The following GREB1L variants were observed in gnomAD, a reference collection of about 807,000 sequenced individuals.
GREB1L encodes the protein GREB1-like protein.
In GREB1L, 17 loss-of-function variants were observed where a neutral mutation model predicts 200.8. That is an observed-to-expected ratio of 0.08 (90% CI 0.06 to 0.13). GREB1L has a LOEUF of 0.13. GREB1L is among the 10% of genes least tolerant of loss of function. The probability of loss-of-function intolerance (pLI) is 1.00; values close to 1 mark genes in which losing one functional copy is unlikely to be tolerated. For synonymous variants in GREB1L, 789 were observed against 893.0 expected (o/e 0.88, Z 2.08); for missense variants, 1,657 against 2,367.7 (o/e 0.70, Z 6.23).
At chr18:21,283,155 A>T (rs767420464) in intron 1 of GREB1L, among the ~76,000 whole-genome samples, 1 of 152,234 alleles carries the variant, frequency 6.6e-6, no homozygotes, top group Non-Finnish European at 1.5e-5. Context: ...TGGCTTTTAC[A>T]TAATTCCATT....
chr18:21,295,818 G>A (rs1271456734), intron 1 of GREB1L, among the ~76,000 whole-genome samples: 11 of 152,172 alleles, frequency 7.2e-5, no homozygotes, highest in Non-Finnish European at 1.5e-4. Context: ...AGGGTAGAGG[G>A]AAAGAGTAGA....
Position 21,383,688 on chromosome 18 carries a change from A to G in GREB1L, c.157+13A>G, listed in dbSNP as rs182398842. ...TTCTCATCTGCAGGTAAGTTTCTCA[A>G]TCACACACATTTCTGGATTCTTTTT... On this transcript the variant is annotated intron_variant, in intron 3 of 32. Coordinates refer to ENST00000424526, the MANE Select transcript of GREB1L (RefSeq NM_001142966.3). 1.4e-5 allele frequency: 22 copies of G among 1,545,022 alleles called. No homozygotes were observed. Among genetic ancestry groups the G allele is most frequent in the Non-Finnish European group, 1.7e-5 (20 of 1,144,672 alleles).
At chr18:21,479,613 A>G (rs1392384430) in intron 17 of GREB1L, among the ~76,000 whole-genome samples, 1 of 152,066 alleles carries the variant, frequency 6.6e-6, no homozygotes, top group Admixed American at 6.6e-5. Context: ...CAGTAGGTCA[A>G]GGCTGCAGTG....
At chr18:21,268,842 C>T (rs1008335806) in intron 1 of GREB1L, among the ~76,000 whole-genome samples, 2 of 151,644 alleles carry the variant, frequency 1.3e-5, no homozygotes, top group Non-Finnish European at 2.9e-5. Flanking sequence ...AAGTGATCTG[C>T]CAAAGTGCTG....
Position 21,524,497 on chromosome 18 carries a change from A to C in GREB1L, c.*1676A>C, listed in dbSNP as rs1470551219. The C allele has an allele frequency of 6.6e-6, 1 of 152,196 alleles. No individual in the cohort carries two copies. The highest frequency in any genetic ancestry group is 1.5e-5 in the Non-Finnish European group (1 of 68,030). 9.4% of individuals were successfully genotyped at this position (152,196 alleles called of 1,614,324 possible). On this transcript the variant is annotated 3_prime_UTR_variant, in exon 33 of 33. Coordinates refer to ENST00000424526, the MANE Select transcript of GREB1L (RefSeq NM_001142966.3). ...TTTTTGGTAAAGAGGTATGTTTTGA[A>C]GCAATTTGGTTTAAATATGAATGTA... is the stretch of plus-strand genomic sequence containing the variant.
intron 17 of GREB1L, among the ~76,000 whole-genome samples, chr18:21,481,465 G>GTATA (rs1177441176): frequency 1.3e-4 from 13 of 103,340 alleles, no homozygotes; most frequent in African/African-American, 6.4e-4. Flanking sequence ...GTGTGTGTGT[G>GTATA]TGTGTGTGTG....
intron 9 of GREB1L, among the ~76,000 whole-genome samples, chr18:21,440,796 T>G (rs1041327252): frequency 9.8e-5 from 15 of 152,326 alleles, no homozygotes; most frequent in African/African-American, 3.4e-4. Context: ...ACCAACTGGC[T>G]CTCTTTCAGA....
At chr18:21,518,514 G>A (rs553957780) in intron 31 of GREB1L, among the ~76,000 whole-genome samples, 1 of 152,120 alleles carries the variant, frequency 6.6e-6, no homozygotes, top group African/African-American at 2.4e-5. Flanking sequence ...ATACAACTCA[G>A]CTGTCAGCTC....
intron 21 of GREB1L, among the ~76,000 whole-genome samples, chr18:21,498,480 G>A (rs2036642120): frequency 6.6e-6 from 1 of 152,298 alleles, no homozygotes; most frequent in African/African-American, 2.4e-5. Flanking sequence ...ACAGAAGGGG[G>A]GTGGGGGATA....
At chr18:21,518,383 T>C (rs1391390141) in intron 31 of GREB1L, 149 bp downstream of exon 31, 1 of 741,582 alleles carries the variant, frequency 1.3e-6, no homozygotes, top group Non-Finnish European at 2.2e-6. Flanking sequence ...AAGATAGTAA[T>C]ACAGATCAAA....
At chr18:21,495,641 A>T in intron 19 of GREB1L, 29 bp from the exon 20 acceptor site, 2 of 1,207,508 alleles carry the variant, frequency 1.7e-6, no homozygotes, top group Non-Finnish European at 1.2e-6. Flanking sequence ...TGAGAGTTTT[A>T]ATTTTAACAT....
intron 1 of GREB1L, among the ~76,000 whole-genome samples, chr18:21,343,481 T>A (rs758054335): frequency 2.0e-5 from 3 of 152,148 alleles, no homozygotes; most frequent in Non-Finnish European, 4.4e-5. Flanking sequence ...TTTAAAGGTC[T>A]CCCAAAGGTC....
intron 29 of GREB1L, among the ~76,000 whole-genome samples, chr18:21,516,032 C>G (rs1328714589): frequency 6.6e-6 from 1 of 151,282 alleles, no homozygotes; most frequent in Non-Finnish European, 1.5e-5. Context: ...ACCCTCCAGA[C>G]TCAGAAGGAA....
At chr18:21,488,684 T>C (rs935761811) in intron 18 of GREB1L, among the ~76,000 whole-genome samples, 2 of 152,160 alleles carry the variant, frequency 1.3e-5, no homozygotes, top group Non-Finnish European at 2.9e-5. Context: ...TAAGACAGAC[T>C]CTCACTCCGT....
intron 17 of GREB1L, among the ~76,000 whole-genome samples, chr18:21,482,301 A>C (rs1279491818): frequency 1.3e-5 from 2 of 152,248 alleles, no homozygotes; most frequent in Non-Finnish European, 2.9e-5. Context: ...TCTGTTAGCC[A>C]GGTTGGAGTG....
chr18:21,318,227 T>C (rs909215259), intron 1 of GREB1L, among the ~76,000 whole-genome samples: 2 of 152,178 alleles, frequency 1.3e-5, no homozygotes, highest in African/African-American at 2.4e-5. Context: ...GAACTTGGTA[T>C]GTAGAAAGTA....
Position 21,312,570 on chromosome 18 carries a change from T to A in GREB1L, c.-119-53457T>A, listed in dbSNP as rs546110879. On this transcript the variant is annotated intron_variant, in intron 1 of 32. Coordinates refer to ENST00000424526, the MANE Select transcript of GREB1L (RefSeq NM_001142966.3). ...TATTTATTTATTTATTTATTTATTT[T>A]TTGAGACAAAGTCTCGCCCTGTCGC... 1.1e-4 allele frequency among the ~76,000 whole-genome samples: 16 copies of A among 146,446 alleles called. No individual in the cohort carries two copies. The South Asian group carries it at 3.0e-3, about 27-fold the overall frequency.
chr18:21,414,538 G>A (rs570356194), intron 7 of GREB1L, among the ~76,000 whole-genome samples: 58 of 152,252 alleles, frequency 3.8e-4, no homozygotes, highest in Admixed American at 2.6e-3. Flanking sequence ...AATACCTAAT[G>A]TAGGCAAGTT....
At chr18:21,291,424 C>T (rs2038449109) in intron 1 of GREB1L, among the ~76,000 whole-genome samples, 1 of 152,184 alleles carries the variant, frequency 6.6e-6, no homozygotes, top group South Asian at 2.1e-4. Context: ...TGGGGCATTT[C>T]CATGTTGAGC....
Sources: gnomAD v4.1 joint callset for allele counts (sites outside exome capture counted in the v4.1 genomes callset) on GRCh38, gnomAD v4.1.1 for gene constraint, MANE v1.5 for transcripts, NCBI Gene and HGNC (gene_info 2026-07-23, HGNC 2026-07-21) for gene names.